Variants in LRIG1 observed in about 807,000 individuals in gnomAD.
LRIG1 encodes the protein leucine rich repeats and immunoglobulin like domains 1, also known as leucine-rich repeats and immunoglobulin-like domains protein 1.
Under a neutral mutation model 99.2 loss-of-function variants are expected in LRIG1, and 48 were observed. The ratio of observed to expected loss-of-function variants is 0.48; its 90% confidence interval spans 0.38 to 0.62. LRIG1 has a LOEUF of 0.62. Ranked by LOEUF, LRIG1 falls within the 20% of genes least tolerant of loss-of-function variation. LRIG1 has a pLI of 0.00. For synonymous variants in LRIG1, 772 were observed against 596.1 expected, an observed-to-expected ratio of 1.29 and a Z score of -4.30; for missense variants, 1,646 against 1,434.4, an observed-to-expected ratio of 1.15 and a Z score of -2.38.
In LRIG1 at chr3:66,410,133, C is replaced by T. The variant is rs1702417378; in HGVS notation, c.931G>A (p.Glu311Lys). The T allele has an allele frequency of 6.2e-7, 1 of 1,611,440 alleles. No individual in the cohort carries two copies. Among genetic ancestry groups the T allele is most frequent in the Non-Finnish European group, 8.5e-7 (1 of 1,178,616 alleles). The change falls in exon 7 of 19, where the codon GAG becomes AAG. Residue 311 changes from glutamate to lysine, a missense_variant. Coordinates refer to ENST00000273261, the MANE Select transcript of LRIG1 (RefSeq NM_015541.3). ...KGWSFCQKLH[E>K]LVLSFNNLTR... ...CCCAGAGCCGAGGACACTTACAACTCATGCAGCTTCTGGCAGAAGCTCCAG... is the reference window on the plus strand; with the variant it reads ...CCCAGAGCCGAGGACACTTACAACTTATGCAGCTTCTGGCAGAAGCTCCAG...
intron 1 of LRIG1, among the ~76,000 whole-genome samples, chr3:66,486,599 C>T (rs1480799891): frequency 6.6e-6 from 1 of 152,216 alleles, no homozygotes; most frequent in Admixed American, 6.5e-5. Context: ...ATCGACTCAA[C>T]TAATGATTCT....
Position 66,477,192 on chromosome 3 carries a change from G to A in LRIG1, c.219-14683C>T, listed in dbSNP as rs145781692. The stretch of plus-strand genomic sequence containing the variant: ...TCAAGGATCAGAAAATTTAAAGGTT[G>A]TTTGCACAAACACTCCTGTTCTTGC... On this transcript the variant is annotated intron_variant, in intron 1 of 18. Coordinates refer to ENST00000273261, the MANE Select transcript of LRIG1 (RefSeq NM_015541.3). Among the ~76,000 whole-genome samples the A allele has an allele frequency of 3.8e-3, 578 of 152,044 alleles. 5 individuals carry two copies. Among genetic ancestry groups the A allele is most frequent in the Non-Finnish European group, 7.2e-4 (49 of 68,010 alleles).
intron 12 of LRIG1, among the ~76,000 whole-genome samples, chr3:66,392,663 T>G (rs1049718813): frequency 5.1e-4 from 77 of 152,090 alleles, no homozygotes; most frequent in African/African-American, 1.5e-3. Flanking sequence ...TAAACAACTC[T>G]TGCAATCCAG....
At chr3:66,383,861 C>A in intron 14 of LRIG1, 130 bp downstream of exon 14, 1 of 1,327,882 alleles carries the variant, frequency 7.5e-7, no homozygotes. Flanking sequence ...ACTCAAAAAG[C>A]AGCCCCAAAT....
chr3:66,419,530 C>T (rs1476151415), intron 3 of LRIG1, among the ~76,000 whole-genome samples: 5 of 152,078 alleles, frequency 3.3e-5, no homozygotes, highest in African/African-American at 1.2e-4. Flanking sequence ...GGGCGAATGT[C>T]TGAGGGTAGG....
chr3:66,479,705 T>C (rs770442445), intron 1 of LRIG1, among the ~76,000 whole-genome samples: 7 of 152,242 alleles, frequency 4.6e-5, no homozygotes, highest in Non-Finnish European at 8.8e-5. Context: ...TCAGTGTCAT[T>C]AGTCATTATG....
intron 5 of LRIG1, among the ~76,000 whole-genome samples, chr3:66,414,180 G>A (rs754771552): frequency 7.2e-5 from 11 of 152,066 alleles, no homozygotes; most frequent in South Asian, 2.1e-4. Flanking sequence ...GGCGGATCAC[G>A]AGGTCAGGAG....
intron 1 of LRIG1, among the ~76,000 whole-genome samples, chr3:66,497,065 C>T (rs1701243927): frequency 6.6e-6 from 1 of 152,228 alleles, no homozygotes; most frequent in Non-Finnish European, 1.5e-5. Flanking sequence ...ATAAACTCAT[C>T]TTAATGTGGC....
At position 66,383,130 on chromosome 3, in the gene LRIG1, C is replaced by G; in HGVS notation, c.2343G>C (p.Leu781=). 1 of 1,614,244 alleles carries G rather than the reference C, an allele frequency of 6.2e-7. No homozygotes were observed. Among genetic ancestry groups the G allele is most frequent in the Non-Finnish European group, 8.5e-7 (1 of 1,180,040 alleles). The change falls in exon 15 of 19, where the codon CTG becomes CTC. Residue 781 remains leucine (L), a synonymous_variant. Transcript: ENST00000273261. ...TERAHSQLSV[L]PAAGCRKDGT... is the part of the protein sequence containing the mutation. ...CATCCTTCCTGCAGCCTGCTGCGGG[C>G]AGGACGCTCAGCTGGCTGTGAGCTC...
chr3:66,385,939 T>C (rs1701350829), intron 13 of LRIG1, 42 bp downstream of exon 13: 1 of 1,557,342 alleles, frequency 6.4e-7, no homozygotes, highest in Non-Finnish European at 8.8e-7. Flanking sequence ...GGAGTGTGCT[T>C]TGTAGGATTC....
At chr3:66,476,385 C>T (rs1199798100) in intron 1 of LRIG1, among the ~76,000 whole-genome samples, 2 of 152,254 alleles carry the variant, frequency 1.3e-5, no homozygotes, top group South Asian at 4.2e-4. Flanking sequence ...CTCCTCTCCC[C>T]CAGATAAGGG....
intron 1 of LRIG1, among the ~76,000 whole-genome samples, chr3:66,464,216 T>A (rs1043693499): frequency 6.6e-6 from 1 of 152,232 alleles, no homozygotes; most frequent in Non-Finnish European, 1.5e-5. Context: ...GAGTTTACGA[T>A]GACTGTAACT....
At chr3:66,483,833 A>G (rs1370642251) in intron 1 of LRIG1, among the ~76,000 whole-genome samples, 1 of 152,210 alleles carries the variant, frequency 6.6e-6, no homozygotes, top group Non-Finnish European at 1.5e-5. Context: ...AACACAGAGG[A>G]GAGCGCCTGA....
chr3:66,500,504 T>A lies in LRIG1; in HGVS notation c.-97A>T. The A allele has an allele frequency of 3.3e-6, 2 of 606,034 alleles. No individual in the cohort carries two copies. Among genetic ancestry groups the A allele is most frequent in the Non-Finnish European group, 4.9e-6 (2 of 404,926 alleles). 37.5% of individuals were successfully genotyped at this position (606,034 alleles called of 1,614,324 possible). ...GCCCGCGGGGCGCTCCGCTCGGCTCTAGACTCCGCACCGGGGCATGGCCCC... is the reference window on the plus strand; with the variant it reads ...GCCCGCGGGGCGCTCCGCTCGGCTCAAGACTCCGCACCGGGGCATGGCCCC... On this transcript the variant is annotated 5_prime_UTR_variant, in exon 1 of 19. The change abolishes the stop of an existing upstream ORF in the 5' untranslated region. Coordinates refer to ENST00000273261, the MANE Select transcript of LRIG1 (RefSeq NM_015541.3).
chr3:66,398,160 C>A lies in LRIG1; in HGVS notation c.1256G>T (p.Arg419Ile), dbSNP rs929533273. The A allele has an allele frequency of 6.2e-7, 1 of 1,614,100 alleles. No individual in the cohort carries two copies. Among genetic ancestry groups the A allele is most frequent in the Non-Finnish European group, 8.5e-7 (1 of 1,179,936 alleles). The change falls in exon 11 of 19, where the codon AGA becomes ATA. Residue 419 changes from arginine to isoleucine, a missense_variant. By Grantham distance (97) the Arg-to-Ile change is moderately conservative. Coordinates refer to ENST00000273261, the MANE Select transcript of LRIG1 (RefSeq NM_015541.3). ...EHLNLGGNAI[R>I]SVQFDAFVKM... ...CACAAAGGCATCAAACTGGACAGAT[C>A]TGATCGCATTCCCTCCAAGGTTCCT...
At chr3:66,493,873 CGAAG>C (rs963928968) in intron 1 of LRIG1, among the ~76,000 whole-genome samples, 51 of 104,880 alleles carry the variant, frequency 4.9e-4, no homozygotes, top group African/African-American at 1.8e-3. Context: ...GGAAGAAAGA[CGAAG>C]GGAGGGAGGG....
At chr3:66,497,678 A>G (rs560551105) in intron 1 of LRIG1, among the ~76,000 whole-genome samples, 1 of 139,998 alleles carries the variant, frequency 7.1e-6, no homozygotes, top group East Asian at 2.2e-4. Context: ...GCCTAGAAGC[A>G]ACTTCCACAT....
chr3:66,436,572 T>C (rs769299479), intron 3 of LRIG1, among the ~76,000 whole-genome samples: 1 of 152,152 alleles, frequency 6.6e-6, no homozygotes, highest in Non-Finnish European at 1.5e-5. Flanking sequence ...TCTCTCCCCC[T>C]CATTTGAGGT....
At chr3:66,462,047 C>T (rs563453071) in intron 2 of LRIG1, among the ~76,000 whole-genome samples, 1 of 152,296 alleles carries the variant, frequency 6.6e-6, no homozygotes, top group South Asian at 2.1e-4. Flanking sequence ...AGTTCGAGAC[C>T]AGCCTGGCCA....
Sources: allele counts gnomAD v4.1 joint callset (sites outside exome capture counted in the v4.1 genomes callset), GRCh38; gene constraint gnomAD v4.1.1; transcripts MANE v1.5; gene names NCBI Gene and HGNC (gene_info 2026-07-23, HGNC 2026-07-21).